GNAI1: variants seen among roughly 807,000 people sequenced by gnomAD.
GNAI1 encodes the protein G protein subunit alpha i1.
In GNAI1, 11 loss-of-function variants were observed where a neutral mutation model predicts 38.9. The ratio of observed to expected loss-of-function variants is 0.28; its 90% CI spans 0.18 to 0.47. GNAI1 has a LOEUF of 0.47. Among genes scored for constraint, GNAI1 ranks in the 20% least tolerant of loss-of-function variants. The pLI, the probability that GNAI1 is intolerant of heterozygous loss-of-function variation, is 0.99. For synonymous variants in GNAI1, 166 were observed against 145.1 expected, an observed-to-expected ratio of 1.14 and a Z score of -1.04; for missense variants, 317 against 436.9, an observed-to-expected ratio of 0.73 and a Z score of 2.45.
At chr7:80,169,006 T>C (rs1788059247) in intron 1 of GNAI1, among the ~76,000 whole-genome samples, 1 of 152,228 alleles carries the variant, frequency 6.6e-6, no homozygotes, top group Non-Finnish European at 1.5e-5. Flanking sequence ...GTTTCTTTAA[T>C]GTTGCTTGTT....
At chr7:80,200,324 C>CAAAAAAAAACAAAAAAAAA (rs1788658738) in intron 4 of GNAI1, among the ~76,000 whole-genome samples, 1 of 40,376 alleles carries the variant, frequency 2.5e-5, no homozygotes, top group African/African-American at 1.7e-4. Flanking sequence ...GGCCATGTCT[C>CAAAAAAAAACAAAAAAAAA]AAAAAAAAAA....
intron 5 of GNAI1, among the ~76,000 whole-genome samples, chr7:80,209,466 T>A: frequency 6.6e-6 from 1 of 152,190 alleles, no homozygotes; most frequent in Non-Finnish European, 1.5e-5. Flanking sequence ...AAGGATAGTC[T>A]CCATTACTTA....
At chr7:80,142,156 T>C (rs1298776978) in intron 1 of GNAI1, among the ~76,000 whole-genome samples, 1 of 152,236 alleles carries the variant, frequency 6.6e-6, no homozygotes, top group Admixed American at 6.5e-5. Context: ...CTCAAAATTC[T>C]TTTAGCCTCT....
At chr7:80,216,168 T>C (rs965394864) in intron 7 of GNAI1, among the ~76,000 whole-genome samples, 4 of 152,090 alleles carry the variant, frequency 2.6e-5, no homozygotes, top group African/African-American at 7.2e-5. Context: ...TAATATTATG[T>C]ACATACATAC....
intron 1 of GNAI1, among the ~76,000 whole-genome samples, chr7:80,161,543 A>G (rs1213541390): frequency 3.3e-5 from 5 of 152,176 alleles, no homozygotes; most frequent in Admixed American, 3.3e-4. Context: ...TTGTGTCATA[A>G]TTGTTTGTGT....
Position 80,210,958 on chromosome 7 carries a change from C to T in GNAI1, c.591-11C>T, listed in dbSNP as rs978469110. On this transcript the variant is annotated splice_polypyrimidine_tract_variant and intron_variant, in intron 5 of 7. Transcript: ENST00000649796. ...TTTAATGTGATGTTAACTCATTTCTCCTCTTAACAGAATGTTTGATGTGGG... is the reference window on the plus strand; with the variant it reads ...TTTAATGTGATGTTAACTCATTTCTTCTCTTAACAGAATGTTTGATGTGGG... 2.5e-6 allele frequency: 4 copies of T among 1,611,058 alleles called. No individual in the cohort carries two copies. The African/African-American group carries it at 4.0e-5, about 16-fold the overall frequency.
intron 1 of GNAI1, among the ~76,000 whole-genome samples, chr7:80,157,270 G>A (rs1014592546): frequency 6.6e-6 from 1 of 152,044 alleles, no homozygotes; most frequent in African/African-American, 2.4e-5. Context: ...TTTCCTCTAT[G>A]TCATAGTTTG....
At chr7:80,204,164 A>G (rs1379333340) in intron 5 of GNAI1, among the ~76,000 whole-genome samples, 1 of 152,078 alleles carries the variant, frequency 6.6e-6, no homozygotes, top group Non-Finnish European at 1.5e-5. Flanking sequence ...GTTGCCATCT[A>G]TTTTTAGGTA....
chr7:80,223,119 A>G lies in GNAI1; in HGVS notation c.*5626A>G, dbSNP rs998726745. ...ATGCATACCAGTTTCGCACCAATGT[A>G]AAGTTGAAAAATTGTTAAGTTGGAC... On this transcript the variant is annotated 3_prime_UTR_variant, in exon 8 of 8. Coordinates refer to ENST00000649796, the MANE Select transcript of GNAI1 (RefSeq NM_002069.6). Among the ~76,000 whole-genome samples the G allele has an allele frequency of 4.7e-4, 72 of 152,218 alleles. No homozygotes were observed. Among genetic ancestry groups the G allele is most frequent in the African/African-American group, 1.6e-3 (66 of 41,448 alleles).
intron 1 of GNAI1, among the ~76,000 whole-genome samples, chr7:80,142,844 T>C (rs543154356): frequency 3.6e-5 from 1 of 27,926 alleles, no homozygotes; most frequent in South Asian, 1.1e-3. Flanking sequence ...AAATCATGAT[T>C]CTTGGTAAAT....
chr7:80,135,513 T>A (rs1207301454), intron 1 of GNAI1: 2 of 397,558 alleles, frequency 5.0e-6, no homozygotes, highest in African/African-American at 4.2e-5. Flanking sequence ...GTCACTTCAC[T>A]CGGATGCTTT....
chr7:80,182,649 T>C (rs1223541967), intron 1 of GNAI1, among the ~76,000 whole-genome samples: 1 of 152,184 alleles, frequency 6.6e-6, no homozygotes, highest in African/African-American at 2.4e-5. Context: ...AACCCAGGAA[T>C]CCTCTTTACA....
chr7:80,216,959 C>T (rs183631408), intron 7 of GNAI1, among the ~76,000 whole-genome samples: 132 of 152,130 alleles, frequency 8.7e-4, no homozygotes, highest in Non-Finnish European at 1.6e-3. Context: ...AGCATGCCGT[C>T]GTCAAGCATC....
chr7:80,185,101 A>G (rs529782302), intron 1 of GNAI1, among the ~76,000 whole-genome samples: 1 of 152,342 alleles, frequency 6.6e-6, no homozygotes, highest in South Asian at 2.1e-4. Context: ...GAAAAGTAAC[A>G]GCAACTTGGC....
intron 1 of GNAI1, among the ~76,000 whole-genome samples, chr7:80,173,948 A>T (rs1453218469): frequency 6.6e-6 from 1 of 152,092 alleles, no homozygotes; most frequent in African/African-American, 2.4e-5. Flanking sequence ...TCCTGCCCAA[A>T]TGTGGTGTGG....
At chr7:80,144,229 CTTT>C (rs201484148) in intron 1 of GNAI1, among the ~76,000 whole-genome samples, 7 of 140,396 alleles carry the variant, frequency 5.0e-5, no homozygotes, top group African/African-American at 1.8e-4. Context: ...TTTTTGCAAA[CTTT>C]TTTTTTTTTT....
chr7:80,193,219 C>G (rs1788512371), intron 3 of GNAI1, among the ~76,000 whole-genome samples: 1 of 152,086 alleles, frequency 6.6e-6, no homozygotes, highest in Non-Finnish European at 1.5e-5. Flanking sequence ...CCCCCACAAC[C>G]CTGTTGAAAC....
intron 7 of GNAI1, among the ~76,000 whole-genome samples, chr7:80,214,292 A>AT (rs1259975129): frequency 6.6e-6 from 1 of 152,148 alleles, no homozygotes; most frequent in Non-Finnish European, 1.5e-5. Flanking sequence ...TTTTGTGCTT[A>AT]TTAGAAATAA....
In GNAI1 at chr7:80,203,476, A is replaced by C. The variant is rs185262578; in HGVS notation, c.462-228A>C. 5.3e-5 allele frequency among the ~76,000 whole-genome samples: 8 copies of C among 152,294 alleles called. No homozygotes were observed. The East Asian group carries it at 1.5e-3, about 29-fold the overall frequency. On this transcript the variant is annotated intron_variant, in intron 4 of 7. Transcript: ENST00000649796. ...TAAGAAATAAAGTACACATTTAAAA[A>C]ATACTAAAAGAGCTTTGTGGTTGCA...
Sources: gnomAD v4.1 joint callset for allele counts (sites outside exome capture counted in the v4.1 genomes callset) on GRCh38, gnomAD v4.1.1 for gene constraint, MANE v1.5 for transcripts, NCBI Gene and HGNC (gene_info 2026-07-23, HGNC 2026-07-21) for gene names.